The following ZBTB20 variants were observed in gnomAD, a reference collection of about 807,000 sequenced individuals.
ZBTB20 encodes the protein zinc finger and BTB domain-containing protein 20.
A neutral mutation model predicts 56.9 loss-of-function variants in ZBTB20; 9 were observed. The ratio of observed to expected loss-of-function variants is 0.16; its 90% confidence interval spans 0.10 to 0.28. The LOEUF is 0.28. Among genes scored for constraint, ZBTB20 ranks in the 10% least tolerant of loss-of-function variants. ZBTB20 has a pLI of 1.00. For missense variants in ZBTB20, 655 were observed against 1,003.0 expected, an observed-to-expected ratio of 0.65 and a Z score of 4.69; for synonymous variants, 417 against 420.7, an observed-to-expected ratio of 0.99 and a Z score of 0.11.
At chr3:114,420,955 G>C (rs2718422) in intron 7 of ZBTB20, among the ~76,000 whole-genome samples, 138,555 of 151,898 alleles carry the variant, frequency 0.91, 64,563 homozygotes, top group East Asian at 1. Context: ...AAAGAAAGTA[G>C]CCTAGCACAA....
intron 10 of ZBTB20, among the ~76,000 whole-genome samples, chr3:114,378,309 A>G (rs2083897593): frequency 2.0e-5 from 3 of 152,268 alleles, no homozygotes; most frequent in African/African-American, 4.8e-5. Context: ...AATTTAAACA[A>G]CAGGTTGGAA....
At chr3:114,698,620 G>A (rs1333918386) in intron 5 of ZBTB20, among the ~76,000 whole-genome samples, 1 of 152,126 alleles carries the variant, frequency 6.6e-6, no homozygotes, top group Non-Finnish European at 1.5e-5. Context: ...GTTCTCTTTA[G>A]TAATCAGCTG....
At chr3:115,020,976 A>G (rs983394154) in intron 2 of ZBTB20, among the ~76,000 whole-genome samples, 11 of 150,974 alleles carry the variant, frequency 7.3e-5, no homozygotes, top group African/African-American at 2.2e-4. Context: ...TAGATCTGTG[A>G]GTTAATTTAA....
intron 4 of ZBTB20, among the ~76,000 whole-genome samples, chr3:114,826,016 G>C (rs1302874754): frequency 6.6e-6 from 1 of 151,632 alleles, no homozygotes; most frequent in African/African-American, 2.4e-5. Flanking sequence ...AAAGAACTGG[G>C]AATAAAACTA....
intron 6 of ZBTB20, among the ~76,000 whole-genome samples, chr3:114,503,186 C>T (rs1455715807): frequency 6.6e-6 from 1 of 152,086 alleles, no homozygotes; most frequent in East Asian, 1.9e-4. Context: ...CACAGGATGG[C>T]TGTCAATGAT....
intron 4 of ZBTB20, among the ~76,000 whole-genome samples, chr3:114,897,356 A>G (rs2074925918): frequency 6.6e-6 from 1 of 152,156 alleles, no homozygotes; most frequent in South Asian, 2.1e-4. Context: ...ACCATGCAGA[A>G]TAAAAGGAAA....
intron 5 of ZBTB20, among the ~76,000 whole-genome samples, chr3:114,720,102 T>C (rs1334135349): frequency 6.7e-6 from 1 of 149,212 alleles, no homozygotes; most frequent in Non-Finnish European, 1.5e-5. Flanking sequence ...TATGTATATA[T>C]TGTGTATAAT....
chr3:114,953,742 T>C (rs944527289), intron 3 of ZBTB20, among the ~76,000 whole-genome samples: 3 of 151,894 alleles, frequency 2.0e-5, no homozygotes, highest in African/African-American at 4.8e-5. Flanking sequence ...AAAGGTGAAA[T>C]GGAAAAATCT....
intron 5 of ZBTB20, among the ~76,000 whole-genome samples, chr3:114,694,868 G>A (rs564824023): frequency 1.3e-5 from 2 of 152,020 alleles, no homozygotes; most frequent in Admixed American, 1.3e-4. Flanking sequence ...AAGGCAGAAA[G>A]GATAAAAAGG....
intron 1 of ZBTB20, among the ~76,000 whole-genome samples, chr3:115,079,614 G>T (rs112732271): frequency 6.6e-6 from 1 of 152,014 alleles, no homozygotes; most frequent in African/African-American, 2.4e-5. Flanking sequence ...GGCTGGTCTC[G>T]AACTCCTGAC....
At chr3:115,136,094 T>C (rs2084645828) in intron 1 of ZBTB20, among the ~76,000 whole-genome samples, 1 of 152,108 alleles carries the variant, frequency 6.6e-6, no homozygotes, top group South Asian at 2.1e-4. Context: ...TTGATTGTAG[T>C]AGATTTGCTT....
chr3:114,736,679 T>C (rs541631104), intron 5 of ZBTB20, among the ~76,000 whole-genome samples: 3 of 152,206 alleles, frequency 2.0e-5, no homozygotes, highest in Admixed American at 2.0e-4. Flanking sequence ...TTATTAAAAA[T>C]AAATCACACA....
At chr3:114,375,898 C>A (rs1178257832) in intron 10 of ZBTB20, 1 of 152,184 alleles carries the variant, frequency 6.6e-6, no homozygotes, top group African/African-American at 2.4e-5. Context: ...TGGCTAAGAC[C>A]AGCAGCTGAT....
At chr3:114,450,429 A>C (rs2091533592) in intron 7 of ZBTB20, among the ~76,000 whole-genome samples, 1 of 152,218 alleles carries the variant, frequency 6.6e-6, no homozygotes, top group Non-Finnish European at 1.5e-5. Flanking sequence ...TTGTTGAACG[A>C]AAAATAGTTC....
chr3:114,918,073 G>C (rs2075817714), intron 3 of ZBTB20, among the ~76,000 whole-genome samples: 1 of 152,092 alleles, frequency 6.6e-6, no homozygotes, highest in South Asian at 2.1e-4. Flanking sequence ...TACTGCAGCT[G>C]AGCTGGCACG....
In ZBTB20 at chr3:114,930,118, A is replaced by C. The variant is rs191823952; in HGVS notation, c.-455-29776T>G. Among the ~76,000 whole-genome samples, 146 of 152,238 alleles carry C rather than the reference A, an allele frequency of 9.6e-4. 1 individual carries two copies. Among genetic ancestry groups the C allele is most frequent in the Non-Finnish European group, 5.4e-4 (37 of 67,990 alleles). On this transcript the variant is annotated intron_variant, in intron 3 of 11. Transcript: ENST00000675478. The stretch of plus-strand genomic sequence containing the variant: ...TAAACAAACAAACAAACAAACAACA[A>C]ACAAAACACCACATTGCCTAAGATT...
At chr3:114,849,689 G>C (rs1351137161) in intron 4 of ZBTB20, among the ~76,000 whole-genome samples, 1 of 151,958 alleles carries the variant, frequency 6.6e-6, no homozygotes, top group Non-Finnish European at 1.5e-5. Flanking sequence ...ATGTTATTAT[G>C]GTTTTCAAAG....
At chr3:114,530,314 T>C (rs1177707998) in intron 6 of ZBTB20, among the ~76,000 whole-genome samples, 2 of 152,214 alleles carry the variant, frequency 1.3e-5, no homozygotes, top group Non-Finnish European at 2.9e-5. Context: ...TGTTTAGATA[T>C]GTTTAGATAC....
At chr3:114,826,498 C>A (rs992525077) in intron 4 of ZBTB20, among the ~76,000 whole-genome samples, 1 of 151,734 alleles carries the variant, frequency 6.6e-6, no homozygotes, top group African/African-American at 2.4e-5. Context: ...CATTCATTCA[C>A]CGAATCCTTC....
Sources: allele counts gnomAD v4.1 joint callset (sites outside exome capture counted in the v4.1 genomes callset), GRCh38; gene constraint gnomAD v4.1.1; transcripts MANE v1.5; gene names NCBI Gene and HGNC (gene_info 2026-07-23, HGNC 2026-07-21).